Variants in ARL10 observed in about 807,000 individuals in gnomAD.
The protein encoded by ARL10 is ARF like GTPase 10.
ARL10 carries 23 observed loss-of-function variants against 26.1 expected under a neutral mutation model. The observed-to-expected ratio is 0.88, with a 90% CI of 0.63 to 1.25. The LOEUF is 1.25. Among genes scored for constraint, ARL10 ranks in the 50% most tolerant of loss-of-function variants. ARL10 has a pLI of 0.00. For missense variants in ARL10, 300 were observed against 323.6 expected, an observed-to-expected ratio of 0.93 and a Z score of 0.56; for synonymous variants, 138 against 149.1, an observed-to-expected ratio of 0.93 and a Z score of 0.54.
downstream of ARL10, among the ~76,000 whole-genome samples, chr5:176,404,036 T>G (rs1756974983): frequency 1.3e-5 from 2 of 152,208 alleles, no homozygotes; most frequent in Non-Finnish European, 2.9e-5. Context: ...ATTACAGGCA[T>G]GAGCCACCAC....
chr5:176,383,117 G>A (rs183294954), downstream of ARL10, among the ~76,000 whole-genome samples: 1 of 152,224 alleles, frequency 6.6e-6, no homozygotes, highest in East Asian at 1.9e-4. Flanking sequence ...CTTAGTTGTT[G>A]GACAGACTTC....
chr5:176,386,810 G>A (rs762090730), downstream of ARL10: 7 of 1,595,368 alleles, frequency 4.4e-6, no homozygotes, highest in Admixed American at 6.7e-5. Flanking sequence ...GCAGGACAGT[G>A]ACCTAAAGGA....
chr5:176,365,812 A>C, intron 1 of ARL10, 66 bp downstream of exon 1: 2 of 1,230,298 alleles, frequency 1.6e-6, no homozygotes, highest in Non-Finnish European at 2.0e-6. Context: ...GCATGTGGCC[A>C]AGGGGTGTGA....
chr5:176,365,562 C>T lies in ARL10; in HGVS notation c.-2C>T, dbSNP rs1768249240. The T allele has an allele frequency of 2.4e-6, 3 of 1,232,572 alleles. No homozygotes were observed. Among genetic ancestry groups the T allele is most frequent in the Non-Finnish European group, 3.0e-6 (3 of 988,108 alleles). 76.4% of individuals were successfully genotyped at this position (1,232,572 alleles called of 1,614,324 possible). A position where few individuals can be genotyped will look rare whatever the true frequency, so the allele number is the denominator to read the frequency against. ...CCGCACCTGCGTCCCTCGCCCGGCCCGATGGCGCCGCGGCCGCTGGGCCCC... is the reference window on the plus strand; with the variant it reads ...CCGCACCTGCGTCCCTCGCCCGGCCTGATGGCGCCGCGGCCGCTGGGCCCC... On this transcript the variant is annotated 5_prime_UTR_variant, in exon 1 of 4. Coordinates refer to ENST00000310389, the MANE Select transcript of ARL10 (RefSeq NM_173664.6).
At position 176,375,198 on chromosome 5, in the gene ARL10, A is replaced by C. The variant is rs1768657552; in HGVS notation, c.*3303A>C. The C allele has an allele frequency of 2.1e-5, 2 of 97,496 alleles. No individual in the cohort carries two copies. The highest frequency in any genetic ancestry group is 4.0e-5 in the Non-Finnish European group (2 of 49,848). 6.0% of individuals were successfully genotyped at this position (97,496 alleles called of 1,614,324 possible). On this transcript the variant is annotated 3_prime_UTR_variant, in exon 4 of 4. Coordinates refer to ENST00000310389, the MANE Select transcript of ARL10 (RefSeq NM_173664.6). ...CACCCACCCATCCACCCATCCATCC[A>C]TCCATCCACTCATCCACCCATCCAC...
chr5:176,412,968 G>T, the ARL10 span, among the ~76,000 whole-genome samples: 1 of 150,914 alleles, frequency 6.6e-6, no homozygotes, highest in African/African-American at 2.4e-5. Context: ...ACTCCGCCCT[G>T]ACCAACCCCA....
chr5:176,366,464 A>G lies in ARL10; in HGVS notation c.268A>G (p.Lys90Glu). ...VLVLGLDGAGKSTFLRVLSGK... is the reference protein window; with the variant it reads ...VLVLGLDGAGESTFLRVLSGK... The stretch of plus-strand genomic sequence containing the variant: ...GGTGCTGGGGCTGGATGGCGCAGGC[A>G]AGAGCACGTTCCTGCGCGTGTTGTC... Residue 90 changes from lysine to glutamate, a missense_variant, in exon 2 of 4, where the codon AAG becomes GAG. Coordinates refer to ENST00000310389, the MANE Select transcript of ARL10 (RefSeq NM_173664.6). 6.2e-7 allele frequency: 1 copy of G among 1,613,952 alleles called. No individual in the cohort carries two copies. The highest frequency in any genetic ancestry group is 8.5e-7 in the Non-Finnish European group (1 of 1,180,016).
At chr5:176,389,468 G>A, downstream of ARL10, 1 of 1,613,960 alleles carries the variant, frequency 6.2e-7, no homozygotes, top group Non-Finnish European at 8.5e-7. Context: ...GCTGGGTCTG[G>A]CTGTCACTGC....
chr5:176,388,957 C>G (rs1375007637), downstream of ARL10: 3 of 1,614,142 alleles, frequency 1.9e-6, no homozygotes, highest in Non-Finnish European at 2.5e-6. Context: ...CCCGCGAGAA[C>G]CCGGTGGTAC....
Position 176,366,403 on chromosome 5 carries a change from G to GGACGAGGAA in ARL10, c.207_208insGACGAGGAA (p.Asp67_Glu69dup). The GGACGAGGAA allele has an allele frequency of 6.2e-7, 1 of 1,610,946 alleles. No individual in the cohort carries two copies. Among genetic ancestry groups the GGACGAGGAA allele is most frequent in the Non-Finnish European group, 8.5e-7 (1 of 1,179,596 alleles). On this transcript the variant is annotated inframe_insertion, in exon 2 of 4. Coordinates refer to ENST00000310389, the MANE Select transcript of ARL10 (RefSeq NM_173664.6). ...AGCCCGAGGACGAGGAGGACGAGGA[G>GGACGAGGAA]CCGGCGCTGGAGGAGCTGGAACAGC... is the stretch of plus-strand genomic sequence containing the variant.
chr5:176,394,613 G>A (rs551662411), intron 1 of ARL10, among the ~76,000 whole-genome samples: 13 of 151,816 alleles, frequency 8.6e-5, no homozygotes, highest in South Asian at 2.1e-4. Context: ...GTCAGATGGA[G>A]AGCATCCTGG....
At chr5:176,410,345 T>G in the ARL10 span, 57 of 1,586,270 alleles carry the variant, frequency 3.6e-5, no homozygotes, top group East Asian at 1.1e-3. Context: ...ACTGTTTAGC[T>G]TATAGCAAGC....
At chr5:176,370,407 T>C (rs1341296055) in intron 3 of ARL10, among the ~76,000 whole-genome samples, 1 of 152,202 alleles carries the variant, frequency 6.6e-6, no homozygotes, top group Non-Finnish European at 1.5e-5. Context: ...CAGAGTCTGA[T>C]CATATTTCCT....
chr5:176,406,098 CA>C, downstream of ARL10: 1 of 958,208 alleles, frequency 1.0e-6, no homozygotes. Context: ...CCCCTGTCCC[CA>C]CCCCTACCCT....
chr5:176,408,578 T>C, the ARL10 span, among the ~76,000 whole-genome samples: 10 of 150,558 alleles, frequency 6.6e-5, no homozygotes, highest in Admixed American at 6.6e-4. Context: ...CTAAGTGTAG[T>C]AGTGTAATCA....
chr5:176,397,367 T>TCCCTCTCATGTCCCCACAGC (rs1756579219), intron 1 of ARL10, among the ~76,000 whole-genome samples: 1 of 37,280 alleles, frequency 2.7e-5, no homozygotes, highest in East Asian at 6.9e-4. Context: ...TCCCCACAGC[T>TCCCTCTCATGTCCCCACAGC]CCCTCTCATG....
chr5:176,365,547 G>A lies in ARL10; in HGVS notation c.-17G>A, dbSNP rs1184022900. ...CTCGGCCTGTGCAACCCGCACCTGCGTCCCTCGCCCGGCCCGATGGCGCCG... is the reference window on the plus strand; with the variant it reads ...CTCGGCCTGTGCAACCCGCACCTGCATCCCTCGCCCGGCCCGATGGCGCCG... On this transcript the variant is annotated 5_prime_UTR_variant, in exon 1 of 4. Coordinates refer to ENST00000310389, the MANE Select transcript of ARL10 (RefSeq NM_173664.6). 12 of 1,226,606 alleles carry A rather than the reference G, an allele frequency of 9.8e-6. No individual in the cohort carries two copies. Among genetic ancestry groups the A allele is most frequent in the Admixed American group, 4.3e-5 (1 of 23,322 alleles). The allele number at this position is 1,226,606 out of a possible 1,614,324, so 76.0% of individuals were successfully genotyped here. A position where few individuals can be genotyped will look rare whatever the true frequency, so the allele number is the denominator to read the frequency against.
At position 176,378,754 on chromosome 5, in the gene ARL10, G is replaced by C. The variant is rs182426991; in HGVS notation, c.*6859G>C. 9.5e-3 allele frequency: 1,443 copies of C among 152,306 alleles called. 10 individuals carry two copies. Among genetic ancestry groups the C allele is most frequent in the Middle Eastern group, 0.017 (5 of 294 alleles). 9.4% of individuals were successfully genotyped at this position (152,306 alleles called of 1,614,324 possible). A position where few individuals can be genotyped will look rare whatever the true frequency, so the allele number is the denominator to read the frequency against. ...CCGGGCGCTGTGGCTCACGCCGGGC[G>C]TGGTGGCAGGCACCTGTAGTCCCAG... On this transcript the variant is annotated 3_prime_UTR_variant, in exon 4 of 4. Transcript: ENST00000310389.
Position 176,367,882 on chromosome 5 carries a change from C to T in ARL10, c.386-925C>T. 2 of 521,806 alleles carry T rather than the reference C, an allele frequency of 3.8e-6. 1 individual carries two copies. The highest frequency in any genetic ancestry group is 2.9e-5 in the South Asian group (2 of 69,912). 32.3% of individuals were successfully genotyped at this position (521,806 alleles called of 1,614,324 possible). The stretch of plus-strand genomic sequence containing the variant: ...GTTGATGTCATTGCCATGTCCTTCC[C>T]AGTTAGGGAGGGAGCTCCTTGGTGC... On this transcript the variant is annotated intron_variant, in intron 2 of 3. Transcript: ENST00000310389.
Sources: gnomAD v4.1 joint callset for allele counts (sites outside exome capture counted in the v4.1 genomes callset) on GRCh38, gnomAD v4.1.1 for gene constraint, MANE v1.5 for transcripts, NCBI Gene and HGNC (gene_info 2026-07-23, HGNC 2026-07-21) for gene names.